The following EPHB4 variants were observed in gnomAD, a reference collection of about 807,000 sequenced individuals.
The protein encoded by EPHB4 is EPH receptor B4.
EPHB4 carries 50 observed loss-of-function variants against 110.6 expected under a neutral mutation model. That is an observed-to-expected ratio of 0.45 (90% confidence interval 0.36 to 0.57). EPHB4 has a LOEUF of 0.57. Ranked by LOEUF, EPHB4 falls within the 20% of genes least tolerant of loss-of-function variation. The pLI, the probability that EPHB4 is intolerant of heterozygous loss-of-function variation, is 0.00. For missense variants in EPHB4, 1,128 were observed against 1,382.1 expected (o/e 0.82, Z 2.91); for synonymous variants, 592 against 578.4 (o/e 1.02, Z -0.34).
chr7:100,826,438 G>T (rs1239907031), intron 1 of EPHB4, among the ~76,000 whole-genome samples: 1 of 152,096 alleles, frequency 6.6e-6, no homozygotes, highest in African/African-American at 2.4e-5. Flanking sequence ...AGCAGTGGGC[G>T]GGAGAGCGGT....
chr7:100,826,947 C>T lies in EPHB4; in HGVS notation c.52+32G>A, dbSNP rs761511005. On this transcript the variant is annotated intron_variant, in intron 1 of 16. Coordinates refer to ENST00000358173, the MANE Select transcript of EPHB4 (RefSeq NM_004444.5). ...GTTGGGGGGGAGGTCCCAGGAGTGA[C>T]GGGGTGCGCCCCCCCCCGCAAGGAA... 4 of 1,515,696 alleles carry T rather than the reference C, an allele frequency of 2.6e-6. No homozygotes were observed. The South Asian group carries it at 3.7e-5, about 14-fold the overall frequency. 93.9% of individuals were successfully genotyped at this position (1,515,696 alleles called of 1,614,324 possible). A position where few individuals can be genotyped will look rare whatever the true frequency, so the allele number is the denominator to read the frequency against.
Position 100,822,245 on chromosome 7 carries a change from G to A in EPHB4, c.808+26C>T, listed in dbSNP as rs367909097. On this transcript the variant is annotated intron_variant, in intron 4 of 16. Coordinates refer to ENST00000358173, the MANE Select transcript of EPHB4 (RefSeq NM_004444.5). This position sits in a 1 kb window ranked among gnomAD's most constrained non-coding sequence, Gnocchi z 4.7. Reference sequence around the variant, plus strand: ...AGGACTCTCCCCCGGATGAGCAGCAGTCGCAGGGGAAGCTCCAGCTCTCAC... The same window carrying A: ...AGGACTCTCCCCCGGATGAGCAGCAATCGCAGGGGAAGCTCCAGCTCTCAC... 7.0e-4 allele frequency: 1,076 copies of A among 1,545,292 alleles called. 23 individuals carry two copies. The South Asian group carries it at 0.012, about 17-fold the overall frequency.
chr7:100,814,458 A>G (rs1813019684), intron 8 of EPHB4, among the ~76,000 whole-genome samples: 1 of 152,070 alleles, frequency 6.6e-6, no homozygotes, highest in Admixed American at 6.6e-5. Flanking sequence ...GTGTATTTTT[A>G]GTAGAGATGG....
chr7:100,816,027 G>A (rs776483383), intron 8 of EPHB4, among the ~76,000 whole-genome samples: 1 of 151,390 alleles, frequency 6.6e-6, no homozygotes, highest in Admixed American at 6.6e-5. Context: ...GGTGGCTCAC[G>A]CCAGCAGTCC....
At chr7:100,826,954 C>T (rs780690665) in intron 1 of EPHB4, 25 bp downstream of exon 1, 1 of 1,503,482 alleles carries the variant, frequency 6.7e-7, no homozygotes, top group Non-Finnish European at 8.9e-7. Context: ...TGACGGGGTG[C>T]GCCCCCCCCC....
At chr7:100,809,864 A>G (rs1448648683) in intron 12 of EPHB4, among the ~76,000 whole-genome samples, 1 of 152,166 alleles carries the variant, frequency 6.6e-6, no homozygotes, top group Middle Eastern at 3.2e-3. Flanking sequence ...GTTTAATCCC[A>G]GCACTTTGGG....
intron 12 of EPHB4, among the ~76,000 whole-genome samples, chr7:100,807,993 C>A (rs1812853016): frequency 6.6e-6 from 1 of 152,122 alleles, no homozygotes; most frequent in Non-Finnish European, 1.5e-5. Flanking sequence ...ACCTGTAGGG[C>A]AAGCCCCCCA....
At chr7:100,805,836 C>G (rs1812807367) in intron 14 of EPHB4, 142 bp from the exon 15 acceptor site, 11 of 821,550 alleles carry the variant, frequency 1.3e-5, no homozygotes, top group African/African-American at 1.8e-5. Flanking sequence ...ATCCTCCTAG[C>G]CGGAGTTGAA....
At position 100,803,202 on chromosome 7, in the gene EPHB4, C is replaced by T. The variant is rs1812735130; in HGVS notation, c.*259G>A. ...GGAGGCTGGGAGATGTTGGGCACTT[C>T]CTTTTCCTCTGGTCACACCCAGTCC... On this transcript the variant is annotated 3_prime_UTR_variant, in exon 17 of 17. Transcript: ENST00000358173. 1 of 319,668 alleles carries T rather than the reference C, an allele frequency of 3.1e-6. No individual in the cohort carries two copies. 19.8% of individuals were successfully genotyped at this position (319,668 alleles called of 1,614,324 possible).
In EPHB4 at chr7:100,827,067, T is replaced by TG. The variant is rs1404689846; in HGVS notation, c.-38dup. The TG allele has an allele frequency of 2.3e-5, 36 of 1,556,928 alleles. No individual in the cohort carries two copies. The highest frequency in any genetic ancestry group is 2.7e-5 in the Non-Finnish European group (31 of 1,150,550). On this transcript the variant is annotated 5_prime_UTR_variant, in exon 1 of 17. Coordinates refer to ENST00000358173, the MANE Select transcript of EPHB4 (RefSeq NM_004444.5). ...ACTCGGGTAGGATCCGAACTGAGTT[T>TG]GGGGGGCCCTCGCCCCCCCAGGTCT...
In EPHB4 at chr7:100,803,905, G is replaced by A. The variant is rs528380263; in HGVS notation, c.2835-315C>T. Among the ~76,000 whole-genome samples the A allele has an allele frequency of 9.2e-5, 14 of 152,280 alleles. 1 individual carries two copies. The South Asian group carries it at 2.7e-3, about 29-fold the overall frequency. ...AGAGGCTGCACAGATTGCCGTAGAG[G>A]GAAATGGAGTGTGAGAAAGAAAAGG... On this transcript the variant is annotated intron_variant, in intron 16 of 16. Coordinates refer to ENST00000358173, the MANE Select transcript of EPHB4 (RefSeq NM_004444.5).
Position 100,803,443 on chromosome 7 carries a change from G to T in EPHB4, c.*18C>A, listed in dbSNP as rs754741567. ...AAAATGGGGAGGCGGTGTCCCTGGG[G>T]TGGGGAGTTCCTGCAGGTCAGTACT... On this transcript the variant is annotated 3_prime_UTR_variant, in exon 17 of 17. Transcript: ENST00000358173. 2.0e-6 allele frequency: 3 copies of T among 1,535,664 alleles called. No homozygotes were observed. Among genetic ancestry groups the T allele is most frequent in the Non-Finnish European group, 1.8e-6 (2 of 1,130,944 alleles).
rs1466562208 is a variant in EPHB4, at chr7:100,813,719, G to A, written c.1692-3C>T. On this transcript the variant is annotated splice_polypyrimidine_tract_variant and splice_region_variant and intron_variant, in intron 9 of 16. Coordinates refer to ENST00000358173, the MANE Select transcript of EPHB4 (RefSeq NM_004444.5). Reference sequence around the variant, plus strand: ...CTTCTCTCCCATTGCTCTGCTTCCTGTAGCCGATGGGAAAGGAACAAAAGG... The same window carrying A: ...CTTCTCTCCCATTGCTCTGCTTCCTATAGCCGATGGGAAAGGAACAAAAGG... The A allele has an allele frequency of 3.1e-6, 5 of 1,614,048 alleles. No homozygotes were observed. Among genetic ancestry groups the A allele is most frequent in the Non-Finnish European group, 4.2e-6 (5 of 1,180,052 alleles).
At chr7:100,826,196 G>A (rs1040868166) in intron 1 of EPHB4, among the ~76,000 whole-genome samples, 1 of 152,184 alleles carries the variant, frequency 6.6e-6, no homozygotes. Context: ...AGCGATCCAT[G>A]GCCAAAGAAA....
intron 8 of EPHB4, among the ~76,000 whole-genome samples, chr7:100,815,487 A>G (rs1813046247): frequency 6.6e-6 from 1 of 152,182 alleles, no homozygotes; most frequent in Admixed American, 6.6e-5. Flanking sequence ...AAGGCAACAG[A>G]AAGATCTGGG....
At position 100,805,616 on chromosome 7, in the gene EPHB4, C is replaced by T. The variant is rs774132008; in HGVS notation, c.2563G>A (p.Asp855Asn). The T allele has an allele frequency of 1.9e-6, 3 of 1,562,210 alleles. No individual in the cohort carries two copies. Among genetic ancestry groups the T allele is most frequent in the Non-Finnish European group, 2.6e-6 (3 of 1,155,562 alleles). Residue 855 changes from aspartate to asparagine, a missense_variant, in exon 15 of 17, where the codon GAC (aspartate) becomes AAC (asparagine). Asp to Asn is a conservative substitution (Grantham distance 23). Transcript: ENST00000358173. The part of the protein sequence containing the change: ...CPTSLHQLML[D>N]CWQKDRNARP... Reference sequence around the variant, plus strand: ...GCATTCCGGTCTTTCTGCCAACAGTCCAGCATGAGCTGGTGGAGGGAGGTG... The same window carrying T: ...GCATTCCGGTCTTTCTGCCAACAGTTCAGCATGAGCTGGTGGAGGGAGGTG...
At chr7:100,824,316 A>T in intron 1 of EPHB4, 43 bp from the exon 2 acceptor site, 10 of 1,566,334 alleles carry the variant, frequency 6.4e-6, no homozygotes, top group Non-Finnish European at 8.8e-6. Flanking sequence ...GGGGTGGGGG[A>T]GGGAGGTCAG....
chr7:100,823,001 T>C (rs1389904849), intron 3 of EPHB4, among the ~76,000 whole-genome samples: 2 of 152,066 alleles, frequency 1.3e-5, no homozygotes, highest in Non-Finnish European at 2.9e-5. Flanking sequence ...TAAAGTACCA[T>C]GAGGCCGGGC....
intron 4 of EPHB4, among the ~76,000 whole-genome samples, chr7:100,820,807 A>G (rs1469479154): frequency 6.6e-6 from 1 of 152,152 alleles, no homozygotes; most frequent in Non-Finnish European, 1.5e-5. Flanking sequence ...AACATCTGTG[A>G]TACTGAAGTC....
Sources: allele counts gnomAD v4.1 joint callset (sites outside exome capture counted in the v4.1 genomes callset), GRCh38; gene constraint gnomAD v4.1.1; non-coding constraint Gnocchi (gnomAD v3.1); transcripts MANE v1.5; gene names NCBI Gene and HGNC (gene_info 2026-07-23, HGNC 2026-07-21).